AMD1: variants seen among roughly 807,000 people sequenced by gnomAD.
The protein encoded by AMD1 is S-adenosylmethionine decarboxylase proenzyme.
A neutral mutation model predicts 40.2 loss-of-function variants in AMD1; 11 were observed. The ratio of observed to expected loss-of-function variants is 0.27; its 90% confidence interval spans 0.17 to 0.45. The LOEUF is 0.45. AMD1 is among the 20% of genes least tolerant of loss of function. AMD1 has a pLI of 1.00. For synonymous variants in AMD1, 121 were observed against 130.8 expected (o/e 0.93, Z 0.51); for missense variants, 257 against 410.2 (o/e 0.63, Z 3.23).
At chr6:110,817,413 G>A in the AMD1 span, among the ~76,000 whole-genome samples, 13 of 152,214 alleles carry the variant, frequency 8.5e-5, no homozygotes, top group Non-Finnish European at 1.9e-4. Context: ...TTCAAGACCA[G>A]CCTGGCCAAG....
Position 110,890,406 on chromosome 6 carries a change from G to A in AMD1, c.427+50G>A, listed in dbSNP as rs769343821. 4.6e-6 allele frequency: 6 copies of A among 1,307,636 alleles called. No homozygotes were observed. The African/African-American group carries it at 8.9e-5, about 19-fold the overall frequency. 81.0% of individuals were successfully genotyped at this position (1,307,636 alleles called of 1,614,324 possible). ...TGTTGTCTTCTTAAAGATAGAAAGT[G>A]CAACCTCAGAGATCTTTCTATATGA... is the stretch of plus-strand genomic sequence containing the variant. On this transcript the variant is annotated intron_variant, in intron 4 of 8. Transcript: ENST00000368885.
rs1488630682 is a variant in AMD1 at position 110,895,551 on chromosome 6, TG to T, written c.*1936del. 6.6e-6 allele frequency: 1 copy of T among 152,596 alleles called. No individual in the cohort carries two copies. The highest frequency in any genetic ancestry group is 1.5e-5 in the Non-Finnish European group (1 of 68,036). The allele number at this position is 152,596 out of a possible 1,614,324, so 9.5% of individuals were successfully genotyped here. A position where few individuals can be genotyped will look rare whatever the true frequency, so the allele number is the denominator to read the frequency against. The stretch of plus-strand genomic sequence containing the variant: ...TGGGACAAAGCCTAGAAAAGAGAAA[TG>T]TAGTTTGAATCATAATCTAAATCAT... On this transcript the variant is annotated 3_prime_UTR_variant, in exon 9 of 9. Transcript: ENST00000368885.
the AMD1 span, among the ~76,000 whole-genome samples, chr6:110,836,810 G>A: frequency 6.6e-6 from 1 of 152,036 alleles, no homozygotes; most frequent in Non-Finnish European, 1.5e-5. Context: ...ATAGCGAGTT[G>A]AGATTATTTA....
chr6:110,828,242 C>A, the AMD1 span, among the ~76,000 whole-genome samples: 1 of 152,078 alleles, frequency 6.6e-6, no homozygotes, highest in African/African-American at 2.4e-5. Context: ...ACCAGCCTGG[C>A]CAACATGGCG....
At chr6:110,890,553 A>G (rs987209436) in intron 4 of AMD1, among the ~76,000 whole-genome samples, 197 bp downstream of exon 4, 1 of 152,120 alleles carries the variant, frequency 6.6e-6, no homozygotes, top group Non-Finnish European at 1.5e-5. Flanking sequence ...TGGTGTGATC[A>G]CAGCTCACTG....
At chr6:110,828,205 C>A in the AMD1 span, among the ~76,000 whole-genome samples, 1 of 152,050 alleles carries the variant, frequency 6.6e-6, no homozygotes, top group Admixed American at 6.6e-5. Flanking sequence ...CCAAGGTGGG[C>A]AGATCACTTG....
At chr6:110,847,511 C>T in the AMD1 span, among the ~76,000 whole-genome samples, 10 of 150,254 alleles carry the variant, frequency 6.7e-5, no homozygotes, top group Non-Finnish European at 1.0e-4. Flanking sequence ...GGTGACAGAG[C>T]GAGACTCCGT....
At chr6:110,845,436 A>G in the AMD1 span, among the ~76,000 whole-genome samples, 1 of 152,156 alleles carries the variant, frequency 6.6e-6, no homozygotes, top group Admixed American at 6.6e-5. Context: ...TCAATTACAT[A>G]GTAAGCAGAC....
At chr6:110,871,551 G>C (rs113658918), upstream of AMD1, among the ~76,000 whole-genome samples, 1,272 of 152,278 alleles carry the variant, frequency 8.4e-3, 8 homozygotes, top group Non-Finnish European at 0.014. Context: ...AGCAACTGCT[G>C]TATAACGAGG....
At chr6:110,848,388 G>A in the AMD1 span, among the ~76,000 whole-genome samples, 1 of 152,064 alleles carries the variant, frequency 6.6e-6, no homozygotes, top group Admixed American at 6.6e-5. Context: ...CATGTGTGAT[G>A]GCAAGCACCT....
chr6:110,892,788 C>T lies in AMD1; in HGVS notation c.669C>T (p.Phe223=). 6.2e-7 allele frequency: 1 copy of T among 1,613,888 alleles called. No homozygotes were observed. The highest frequency in any genetic ancestry group is 8.5e-7 in the Non-Finnish European group (1 of 1,179,922). The change falls in exon 7 of 9, where the codon TTC becomes TTT. Residue 223 remains phenylalanine (F), a synonymous_variant. Coordinates refer to ENST00000368885, the MANE Select transcript of AMD1 (RefSeq NM_001634.6). ...GTTCTGTCATTGATGCCACAATGTT[C>T]AATCCTTGTGGGTATTCGATGAATG... ...IPGSVIDATM[F]NPCGYSMNGM...
At chr6:110,828,177 T>C in the AMD1 span, among the ~76,000 whole-genome samples, 5 of 152,106 alleles carry the variant, frequency 3.3e-5, no homozygotes, top group African/African-American at 1.2e-4. Flanking sequence ...ACGTCTGTAA[T>C]TCCAAAACTT....
intron 1 of AMD1, among the ~76,000 whole-genome samples, chr6:110,876,360 A>T (rs1398821823): frequency 6.6e-6 from 1 of 152,176 alleles, no homozygotes; most frequent in African/African-American, 2.4e-5. Flanking sequence ...GGCCAGCTTC[A>T]TTGAGAGGCG....
chr6:110,860,889 C>T, the AMD1 span, among the ~76,000 whole-genome samples: 3 of 151,056 alleles, frequency 2.0e-5, no homozygotes, highest in Non-Finnish European at 3.0e-5. Context: ...AGAACAATCA[C>T]ATTTTACTTC....
intron 2 of AMD1, 157 bp from the exon 3 acceptor site, chr6:110,888,700 A>T (rs1785842324): frequency 1.6e-6 from 1 of 621,246 alleles, no homozygotes; most frequent in Non-Finnish European, 2.6e-6. Flanking sequence ...GATGTTTTGT[A>T]TACTAGAAAA....
chr6:110,816,452 C>T, the AMD1 span, among the ~76,000 whole-genome samples: 4 of 152,174 alleles, frequency 2.6e-5, no homozygotes, highest in African/African-American at 9.7e-5. Context: ...CCCCAAAATA[C>T]GCCACTCTGG....
chr6:110,853,559 G>A, the AMD1 span, among the ~76,000 whole-genome samples: 5 of 151,898 alleles, frequency 3.3e-5, no homozygotes, highest in South Asian at 4.2e-4. Context: ...CGCCTGCCTC[G>A]GCCTCCCAAA....
At chr6:110,892,859 T>G in intron 7 of AMD1, 32 bp downstream of exon 7, 1 of 1,613,626 alleles carries the variant, frequency 6.2e-7, no homozygotes, top group Non-Finnish European at 8.5e-7. Flanking sequence ...CAATAATTAT[T>G]TAAATGTGAA....
At chr6:110,881,212 C>T (rs544462754) in intron 1 of AMD1, among the ~76,000 whole-genome samples, 5 of 152,194 alleles carry the variant, frequency 3.3e-5, no homozygotes, top group Admixed American at 6.5e-5. Flanking sequence ...GGTATCTCAA[C>T]CTCAGCATTC....
Sources: gnomAD v4.1 joint callset for allele counts (sites outside exome capture counted in the v4.1 genomes callset) on GRCh38, gnomAD v4.1.1 for gene constraint, MANE v1.5 for transcripts, NCBI Gene and HGNC (gene_info 2026-07-23, HGNC 2026-07-21) for gene names.